CCDC63: variants seen among roughly 807,000 people sequenced by gnomAD.
CCDC63 encodes coiled-coil domain containing 63, also known as coiled-coil domain-containing protein 63.
In CCDC63, 54 loss-of-function variants were observed where a neutral mutation model predicts 63.6. That is an observed-to-expected ratio of 0.85 (90% confidence interval 0.68 to 1.07). The LOEUF (loss-of-function observed/expected upper bound fraction) is 1.07, where lower values mean the gene tolerates loss of function less well. Ranked by LOEUF, CCDC63 falls within the 50% of genes least tolerant of loss-of-function variation. CCDC63 has a pLI of 0.00. For missense variants in CCDC63, 637 were observed against 689.6 expected, an observed-to-expected ratio of 0.92 and a Z score of 0.86; for synonymous variants, 253 against 266.1, an observed-to-expected ratio of 0.95 and a Z score of 0.48.
chr12:110,897,299 T>G (rs2071426248), intron 9 of CCDC63, among the ~76,000 whole-genome samples: 1 of 149,248 alleles, frequency 6.7e-6, no homozygotes, highest in Admixed American at 6.7e-5. Flanking sequence ...AAAAAGAATA[T>G]TGATTTGAAC....
Position 110,907,203 on chromosome 12 carries a change from C to A in CCDC63, c.1547-128C>A. The A allele has an allele frequency of 7.3e-6, 6 of 819,778 alleles. No homozygotes were observed. The highest frequency in any genetic ancestry group is 9.3e-6 in the Non-Finnish European group (5 of 537,078). 50.8% of individuals were successfully genotyped at this position (819,778 alleles called of 1,614,324 possible). A position where few individuals can be genotyped will look rare whatever the true frequency, so the allele number is the denominator to read the frequency against. On this transcript the variant is annotated intron_variant, in intron 11 of 11. Transcript: ENST00000308208. This position sits in a 1 kb window ranked among gnomAD's most constrained non-coding sequence, Gnocchi z 4.4. ...CAAGAAGTATATTTCTGTTCATTCT[C>A]CCCCTCCTTGAAACCTGAGAATTTC... is the stretch of plus-strand genomic sequence containing the variant.
intron 9 of CCDC63, among the ~76,000 whole-genome samples, chr12:110,894,170 A>G (rs2071390238): frequency 6.6e-6 from 1 of 151,206 alleles, no homozygotes; most frequent in Non-Finnish European, 1.5e-5. Flanking sequence ...CAGCCGTTGC[A>G]TATACATTCC....
In CCDC63 at chr12:110,901,033, C is replaced by T. The variant is rs192074034; in HGVS notation, c.1342+1908C>T. On this transcript the variant is annotated intron_variant, in intron 10 of 11. Coordinates refer to ENST00000308208, the MANE Select transcript of CCDC63 (RefSeq NM_152591.3). The stretch of plus-strand genomic sequence containing the variant: ...TCACACATATGGCTATGATTTATTA[C>T]AGTAAAAGGGTACAGAACAAAATTG... 6.2e-4 allele frequency among the ~76,000 whole-genome samples: 94 copies of T among 152,244 alleles called. 1 individual carries two copies. Among genetic ancestry groups the T allele is most frequent in the African/African-American group, 2.2e-3 (93 of 41,556 alleles).
rs1016978962 is a variant in CCDC63, at chr12:110,889,852, C to T, written c.1075-3224C>T. On this transcript the variant is annotated intron_variant, in intron 8 of 11. Coordinates refer to ENST00000308208, the MANE Select transcript of CCDC63 (RefSeq NM_152591.3). This position sits in a 1 kb window ranked among gnomAD's most constrained non-coding sequence, Gnocchi z 4.1. ...CCTGCCCTGTAAAGATCGGAAGACT[C>T]ACTTCCTTTCTTTTTTCCTTTTTCC... Among the ~76,000 whole-genome samples the T allele has an allele frequency of 3.3e-5, 5 of 151,986 alleles. No homozygotes were observed. The highest frequency in any genetic ancestry group is 7.4e-5 in the Non-Finnish European group (5 of 68,000).
intron 10 of CCDC63, among the ~76,000 whole-genome samples, chr12:110,903,222 A>G (rs11065758): frequency 0.3 from 45,748 of 151,664 alleles, 7,131 homozygotes; most frequent in Admixed American, 0.34. Flanking sequence ...TGTTGGCCAG[A>G]CTGGTCTTGA....
intron 4 of CCDC63, among the ~76,000 whole-genome samples, chr12:110,870,845 C>T (rs1285941563): frequency 6.6e-6 from 1 of 152,180 alleles, no homozygotes. Context: ...ACCTGCAATC[C>T]CAAATTACTG....
intron 4 of CCDC63, among the ~76,000 whole-genome samples, chr12:110,868,692 G>A (rs2071013867): frequency 6.9e-6 from 1 of 144,084 alleles, no homozygotes; most frequent in African/African-American, 2.5e-5. Context: ...CTTCGGCTCC[G>A]CATGAGAGGG....
At chr12:110,886,216 G>A (rs1244294171) in intron 8 of CCDC63, among the ~76,000 whole-genome samples, 1 of 152,094 alleles carries the variant, frequency 6.6e-6, no homozygotes. Flanking sequence ...GTGAAACCCT[G>A]TCTTTACTAA....
intron 8 of CCDC63, among the ~76,000 whole-genome samples, chr12:110,888,463 T>G (rs2071312876): frequency 6.6e-6 from 1 of 152,196 alleles, no homozygotes; most frequent in South Asian, 2.1e-4. Context: ...TCTCTGGGCC[T>G]CAGTTTCCCC....
intron 1 of CCDC63, among the ~76,000 whole-genome samples, chr12:110,849,219 C>T (rs1406577079): frequency 6.6e-6 from 1 of 152,198 alleles, no homozygotes; most frequent in Non-Finnish European, 1.5e-5. Context: ...CTTTAGGCTT[C>T]AATGAACAAA....
intron 5 of CCDC63, 126 bp downstream of exon 5, chr12:110,874,087 C>A: frequency 8.0e-7 from 1 of 1,251,020 alleles, no homozygotes; most frequent in Non-Finnish European, 1.1e-6. Flanking sequence ...AGCAGGTGAA[C>A]TAATGGCCAC....
chr12:110,895,614 A>C (rs1253400505), intron 9 of CCDC63, among the ~76,000 whole-genome samples: 2 of 152,230 alleles, frequency 1.3e-5, no homozygotes, highest in Non-Finnish European at 2.9e-5. Context: ...TGACTTGCAG[A>C]AAAGTCACTT....
In CCDC63 at chr12:110,879,997, A is replaced by G. The variant is rs1284370693; in HGVS notation, c.581A>G (p.Asn194Ser). 1.2e-6 allele frequency: 2 copies of G among 1,614,162 alleles called. No individual in the cohort carries two copies. Among genetic ancestry groups the G allele is most frequent in the Admixed American group, 1.7e-5 (1 of 60,014 alleles). Residue 194 changes from asparagine to serine, a missense_variant, in exon 6 of 12, where the codon AAT becomes AGT. Coordinates refer to ENST00000308208, the MANE Select transcript of CCDC63 (RefSeq NM_152591.3). ...CGATTTGAGAAGGCTGCTTATGACA[A>G]TGTCTACCAGCAGCTCCAGCACTGC... ...DLRFEKAAYD[N>S]VYQQLQHCLL...
intron 4 of CCDC63, 144 bp downstream of exon 4, chr12:110,858,919 T>C (rs1259733883): frequency 1.4e-5 from 9 of 656,680 alleles, no homozygotes; most frequent in Non-Finnish European, 2.3e-5. Context: ...TGACTGCTGC[T>C]ATCGTCTCGC....
intron 1 of CCDC63, among the ~76,000 whole-genome samples, chr12:110,852,091 T>C (rs994286223): frequency 6.6e-6 from 1 of 152,196 alleles, no homozygotes; most frequent in African/African-American, 2.4e-5. Flanking sequence ...TGTGTGGGAT[T>C]AATGCTGTCC....
At chr12:110,892,023 C>T (rs1016043018) in intron 8 of CCDC63, among the ~76,000 whole-genome samples, 5 of 152,206 alleles carry the variant, frequency 3.3e-5, no homozygotes, top group Non-Finnish European at 7.3e-5. Flanking sequence ...ACAGCAGTGG[C>T]AGCATCACCT....
chr12:110,868,430 A>C (rs899590023), intron 4 of CCDC63, among the ~76,000 whole-genome samples: 22 of 150,736 alleles, frequency 1.5e-4, no homozygotes, highest in African/African-American at 5.4e-4. Context: ...ACTGCACTCC[A>C]GTCTGGGCAC....
At chr12:110,902,688 G>A (rs536143442) in intron 10 of CCDC63, among the ~76,000 whole-genome samples, 1 of 151,970 alleles carries the variant, frequency 6.6e-6, no homozygotes. Context: ...CCTGAGATAT[G>A]ATAGCAAATT....
chr12:110,897,401 A>T (rs937182204), intron 9 of CCDC63, among the ~76,000 whole-genome samples: 3 of 152,058 alleles, frequency 2.0e-5, no homozygotes, highest in Non-Finnish European at 4.4e-5. Flanking sequence ...CAGTCTGGGC[A>T]ACACAGCAAG....
Sources: gnomAD v4.1 joint callset for allele counts (sites outside exome capture counted in the v4.1 genomes callset) on GRCh38, gnomAD v4.1.1 for gene constraint, Gnocchi (gnomAD v3.1) non-coding constraint, MANE v1.5 for transcripts, NCBI Gene and HGNC (gene_info 2026-07-23, HGNC 2026-07-21) for gene names.